The following OTOG variants were observed in gnomAD, a reference collection of about 807,000 sequenced individuals.
The protein encoded by OTOG is otogelin.
OTOG carries 296 observed loss-of-function variants against 313.8 expected under a neutral mutation model. The observed-to-expected ratio is 0.94, with a 90% CI of 0.86 to 1.04. The LOEUF (loss-of-function observed/expected upper bound fraction) is 1.04. Ranked by LOEUF, OTOG falls within the 50% of genes least tolerant of loss-of-function variation. OTOG has a pLI of 0.00. For synonymous variants in OTOG, 1,533 were observed against 1,554.9 expected, an observed-to-expected ratio of 0.99 and a Z score of 0.33; for missense variants, 3,948 against 3,840.1, an observed-to-expected ratio of 1.03 and a Z score of -0.74.
chr11:17,565,889 C>T (rs1344315045), intron 15 of OTOG, among the ~76,000 whole-genome samples: 1 of 152,030 alleles, frequency 6.6e-6, no homozygotes, highest in Non-Finnish European at 1.5e-5. Context: ...TTAGATGCAC[C>T]AGGCTTATCT....
intron 13 of OTOG, 34 bp downstream of exon 13, chr11:17,560,851 G>T: frequency 1.3e-6 from 2 of 1,514,726 alleles, no homozygotes; most frequent in South Asian, 1.2e-5. Context: ...AGGGTGTGGG[G>T]CATGGCCGCT....
intron 24 of OTOG, among the ~76,000 whole-genome samples, chr11:17,589,432 T>C (rs756430554): frequency 1.3e-5 from 2 of 152,192 alleles, no homozygotes; most frequent in African/African-American, 2.4e-5. Flanking sequence ...CCATGTATTT[T>C]GCCCGTACAA....
chr11:17,641,215 C>T, intron 51 of OTOG, 124 bp downstream of exon 51: 1 of 1,053,100 alleles, frequency 9.5e-7, no homozygotes, highest in Non-Finnish European at 1.3e-6. Context: ...TCAGAGGGGC[C>T]CTCAGAAACC....
At position 17,606,110 on chromosome 11, in the gene OTOG, C is replaced by CA; in HGVS notation, c.4131_4132insA (p.Arg1378ThrfsTer64). 2 of 1,543,682 alleles carry CA rather than the reference C, an allele frequency of 1.3e-6. No homozygotes were observed. Among genetic ancestry groups the CA allele is most frequent in the Non-Finnish European group, 1.7e-6 (2 of 1,142,854 alleles). On this transcript the variant is annotated frameshift_variant, in exon 33 of 56. Coordinates refer to ENST00000399397, the MANE Select transcript of OTOG (RefSeq NM_001292063.2). LOFTEE classifies it high-confidence loss of function. ...TGTACGAACACACAGAGGTGTTCCG[C>CA]CGGGGCACACTCTTCCGCCTTCTGG...
intron 3 of OTOG, among the ~76,000 whole-genome samples, chr11:17,549,430 AT>A (rs1851886429): frequency 6.6e-6 from 1 of 152,170 alleles, no homozygotes; most frequent in Admixed American, 6.5e-5. Flanking sequence ...TCTGATGTGG[AT>A]TTCCTGGATC....
At chr11:17,584,687 G>A (rs1852753499) in intron 23 of OTOG, among the ~76,000 whole-genome samples, 1 of 152,094 alleles carries the variant, frequency 6.6e-6, no homozygotes, top group Non-Finnish European at 1.5e-5. Context: ...CATCACGTCT[G>A]GCTAATTTTC....
chr11:17,608,548 C>A, intron 34 of OTOG, 135 bp downstream of exon 34: 1 of 608,072 alleles, frequency 1.6e-6, no homozygotes, highest in Non-Finnish European at 2.7e-6. Flanking sequence ...CTGTGTCTTT[C>A]CGTATATGCA....
chr11:17,645,457 G>A, intron 54 of OTOG, 107 bp from the exon 55 acceptor site: 1 of 1,051,236 alleles, frequency 9.5e-7, no homozygotes, highest in Non-Finnish European at 1.4e-6. Flanking sequence ...GCTAATGCTG[G>A]AAGAGAGACC....
chr11:17,558,925 TG>T, intron 10 of OTOG, 126 bp from the exon 11 acceptor site: 1 of 813,722 alleles, frequency 1.2e-6, no homozygotes, highest in Non-Finnish European at 2.0e-6. Context: ...GATGCCTTCC[TG>T]GGCAGCCTTT....
intron 53 of OTOG, among the ~76,000 whole-genome samples, chr11:17,642,697 A>G (rs1470970384): frequency 1.3e-5 from 2 of 152,206 alleles, no homozygotes; most frequent in African/African-American, 2.4e-5. Flanking sequence ...AGCATGGACA[A>G]CTGTCAGTAT....
rs150247729 is a variant in OTOG at position 17,591,599 on chromosome 11, G to A, written c.3006+11G>A. The A allele has an allele frequency of 1.4e-4, 213 of 1,550,298 alleles. No homozygotes were observed. In the African/African-American group the frequency reaches 2.4e-3, roughly 17 times the overall value. On this transcript the variant is annotated intron_variant, in intron 25 of 55. Transcript: ENST00000399397. Reference sequence around the variant, plus strand: ...GTGCACCTGGTCAAGGTGAGTTCCCGGATGTTTCTGCCCAGTTGGCTCCAT... The same window carrying A: ...GTGCACCTGGTCAAGGTGAGTTCCCAGATGTTTCTGCCCAGTTGGCTCCAT...
intron 54 of OTOG, among the ~76,000 whole-genome samples, 155 bp from the exon 55 acceptor site, chr11:17,645,409 G>A (rs1848053225): frequency 6.6e-6 from 1 of 152,190 alleles, no homozygotes; most frequent in African/African-American, 2.4e-5. Context: ...TGGGTTAAAA[G>A]GCTTTCCCTG....
chr11:17,593,132 T>TA (rs1852990253), intron 25 of OTOG, 61 bp from the exon 26 acceptor site: 6 of 1,482,912 alleles, frequency 4.0e-6, no homozygotes, highest in Non-Finnish European at 4.6e-6. Context: ...TCCACCTCTG[T>TA]ACCTCTTGGC....
chr11:17,639,455 T>C lies in OTOG; in HGVS notation c.7927T>C (p.Cys2643Arg), dbSNP rs1481919053. The change falls in exon 49 of 56, where the codon TGC (cysteine) becomes CGC (arginine). Residue 2643 changes from cysteine (C) to arginine (R), a missense_variant. Physicochemically the swap from Cys to Arg is radical, Grantham distance 180. Transcript: ENST00000399397. ...CTGTGACACAATCCCGGTGCCCCGG[T>C]GCCATCTGGTATGGAGACGCTCCTC... ...CDCDTIPVPR[C>R]HLWEKSQLDE... 6.4e-7 allele frequency: 1 copy of C among 1,550,572 alleles called. No individual in the cohort carries two copies. The highest frequency in any genetic ancestry group is 8.7e-7 in the Non-Finnish European group (1 of 1,147,020).
chr11:17,563,854 G>GTTTTTTT (rs61373849), intron 15 of OTOG, among the ~76,000 whole-genome samples: 7 of 106,604 alleles, frequency 6.6e-5, no homozygotes, highest in South Asian at 3.3e-4. Context: ...CTAGTTTTTG[G>GTTTTTTT]TTTTTTTTTT....
At chr11:17,590,234 A>T (rs1303029088) in intron 24 of OTOG, among the ~76,000 whole-genome samples, 1 of 152,136 alleles carries the variant, frequency 6.6e-6, no homozygotes, top group East Asian at 1.9e-4. Context: ...GGAGGTCTCA[A>T]ATTCAACATG....
chr11:17,643,589 T>G, intron 54 of OTOG, 83 bp downstream of exon 54: 11 of 1,069,530 alleles, frequency 1.0e-5, no homozygotes, highest in Non-Finnish European at 1.2e-5. Flanking sequence ...AGGACCAGGT[T>G]CCTGGCCTGG....
chr11:17,629,212 T>A lies in OTOG; in HGVS notation c.6608T>A (p.Met2203Lys), dbSNP rs1311003002. The A allele has an allele frequency of 4.5e-6, 7 of 1,550,510 alleles. No individual in the cohort carries two copies. The highest frequency in any genetic ancestry group is 6.1e-6 in the Non-Finnish European group (7 of 1,147,004). Residue 2203 changes from methionine (M) to lysine (K), a missense_variant, in exon 40 of 56, where the codon ATG (methionine) becomes AAG (lysine). Met to Lys is a moderately conservative substitution (Grantham distance 95, BLOSUM62 -1). Coordinates refer to ENST00000399397, the MANE Select transcript of OTOG (RefSeq NM_001292063.2). ...FRIEDTGHMY[M>K]ILTPSDIQIQ... Reference sequence around the variant, plus strand: ...ATTGAGGACACAGGCCACATGTACATGATCCTGACTCCCTCAGACATCCAG... The same window carrying A: ...ATTGAGGACACAGGCCACATGTACAAGATCCTGACTCCCTCAGACATCCAG...
Position 17,610,405 on chromosome 11 carries a change from C to G in OTOG, c.5105C>G (p.Thr1702Arg). The G allele has an allele frequency of 6.4e-7, 1 of 1,550,464 alleles. No homozygotes were observed. Among genetic ancestry groups the G allele is most frequent in the Non-Finnish European group, 8.7e-7 (1 of 1,146,898 alleles). Reference protein sequence around the residue: ...SPSTPLTVAGTAAEQVPVSPL... With the variant: ...SPSTPLTVAGRAAEQVPVSPL... ...AGCACCCCTCTAACTGTGGCTGGAA[C>G]AGCAGCAGAACAGGTTCCTGTCAGT... The change falls in exon 36 of 56, where the codon ACA becomes AGA. Residue 1702 changes from threonine to arginine, a missense_variant. Transcript: ENST00000399397.
Sources: allele counts gnomAD v4.1 joint callset (sites outside exome capture counted in the v4.1 genomes callset), GRCh38; gene constraint gnomAD v4.1.1; transcripts MANE v1.5; gene names NCBI Gene and HGNC (gene_info 2026-07-23, HGNC 2026-07-21).